The following TPH2 variants were observed in gnomAD, a reference collection of about 807,000 sequenced individuals.
The protein encoded by TPH2 is tryptophan 5-hydroxylase 2.
In TPH2, 27 loss-of-function variants were observed where a neutral mutation model predicts 59.1. That is an observed-to-expected ratio of 0.46 (90% CI 0.34 to 0.63). TPH2 has a LOEUF of 0.63. Ranked by LOEUF, TPH2 falls within the 30% of genes least tolerant of loss-of-function variation. The pLI, the probability that TPH2 is intolerant of heterozygous loss-of-function variation, is 0.01. For synonymous variants in TPH2, 220 were observed against 210.5 expected, an observed-to-expected ratio of 1.05 and a Z score of -0.39; for missense variants, 523 against 588.3, an observed-to-expected ratio of 0.89 and a Z score of 1.15.
chr12:71,943,059 G>T (rs145096178), intron 2 of TPH2, among the ~76,000 whole-genome samples: 101 of 152,222 alleles, frequency 6.6e-4, no homozygotes, highest in Non-Finnish European at 1.2e-3. Flanking sequence ...TCAACCAAAG[G>T]TCATTAAAAG....
At chr12:72,023,995 C>T (rs1023701501) in intron 9 of TPH2, among the ~76,000 whole-genome samples, 4 of 151,994 alleles carry the variant, frequency 2.6e-5, no homozygotes, top group African/African-American at 9.7e-5. Flanking sequence ...AGGAACTTGC[C>T]GAAGATCACA....
At chr12:71,944,260 T>C in intron 2 of TPH2, 34 bp from the exon 3 acceptor site, 2 of 1,612,538 alleles carry the variant, frequency 1.2e-6, no homozygotes, top group Non-Finnish European at 1.7e-6. Flanking sequence ...TTATTGTCCC[T>C]GAAGGTGATT....
intron 5 of TPH2, among the ~76,000 whole-genome samples, chr12:71,971,801 A>G (rs1309548713): frequency 6.6e-6 from 1 of 152,200 alleles, no homozygotes; most frequent in Non-Finnish European, 1.5e-5. Context: ...GTTATTGTGC[A>G]TGGTTGCTTT....
intron 8 of TPH2, among the ~76,000 whole-genome samples, chr12:72,004,306 C>G (rs1435568348): frequency 6.6e-6 from 1 of 150,478 alleles, no homozygotes; most frequent in African/African-American, 2.4e-5. Flanking sequence ...TATTCTTCTA[C>G]TGCCCAATGT....
chr12:71,951,743 C>T (rs545920535), intron 5 of TPH2, among the ~76,000 whole-genome samples: 3 of 151,772 alleles, frequency 2.0e-5, no homozygotes, highest in South Asian at 2.1e-4. Flanking sequence ...GACATGATTT[C>T]GGCCGGGTAC....
intron 7 of TPH2, 118 bp downstream of exon 7, chr12:71,979,205 G>A (rs1872203172): frequency 2.8e-6 from 4 of 1,411,376 alleles, no homozygotes; most frequent in African/African-American, 2.8e-5. Context: ...GCTAGTGAGA[G>A]TCACATCACT....
At chr12:71,971,490 C>T (rs1871972252) in intron 5 of TPH2, among the ~76,000 whole-genome samples, 1 of 152,172 alleles carries the variant, frequency 6.6e-6, no homozygotes, top group African/African-American at 2.4e-5. Flanking sequence ...CTTACAAAAG[C>T]ACATGTTTGT....
intron 9 of TPH2, among the ~76,000 whole-genome samples, chr12:72,026,753 C>G (rs1873579245): frequency 1.3e-5 from 2 of 152,152 alleles, no homozygotes; most frequent in South Asian, 4.1e-4. Context: ...GTTGTTCCCT[C>G]AACCCTGCAG....
intron 5 of TPH2, among the ~76,000 whole-genome samples, chr12:71,953,132 G>A (rs1871395829): frequency 6.6e-6 from 1 of 150,782 alleles, no homozygotes; most frequent in African/African-American, 2.4e-5. Flanking sequence ...ATAAAAAGCA[G>A]TCATATTCCT....
intron 9 of TPH2, among the ~76,000 whole-genome samples, chr12:72,026,370 C>T (rs1211347496): frequency 6.6e-6 from 1 of 152,010 alleles, no homozygotes; most frequent in African/African-American, 2.4e-5. Flanking sequence ...TATTGTGTTG[C>T]CTTGATATAG....
Position 72,031,732 on chromosome 12 carries a change from G to A in TPH2, c.*37G>A, listed in dbSNP as rs757212244. On this transcript the variant is annotated 3_prime_UTR_variant, in exon 11 of 11. Transcript: ENST00000333850. ...ATGTTGTTGCCAGCATGATCTTTTT[G>A]GGGCTTAGCAGCAGTTCAGTCAATG... The A allele has an allele frequency of 1.2e-6, 2 of 1,612,310 alleles. No homozygotes were observed. Among genetic ancestry groups the A allele is most frequent in the Non-Finnish European group, 1.7e-6 (2 of 1,178,670 alleles).
intron 9 of TPH2, among the ~76,000 whole-genome samples, chr12:72,026,436 AT>A (rs1419594148): frequency 6.6e-6 from 1 of 152,162 alleles, no homozygotes; most frequent in Non-Finnish European, 1.5e-5. Context: ...ATTACAAGCA[AT>A]TTGTATTTAT....
At chr12:71,982,666 G>A (rs1303825566) in intron 7 of TPH2, among the ~76,000 whole-genome samples, 1 of 152,110 alleles carries the variant, frequency 6.6e-6, no homozygotes, top group African/African-American at 2.4e-5. Flanking sequence ...ACCAACTAGA[G>A]GGCAGATTCT....
intron 8 of TPH2, among the ~76,000 whole-genome samples, chr12:72,001,960 A>G (rs918298724): frequency 6.6e-6 from 1 of 152,168 alleles, no homozygotes; most frequent in Non-Finnish European, 1.5e-5. Flanking sequence ...TTTTAGATAG[A>G]TAGAAGGAAT....
At chr12:72,013,942 C>A (rs1873168568) in intron 8 of TPH2, among the ~76,000 whole-genome samples, 1 of 151,966 alleles carries the variant, frequency 6.6e-6, no homozygotes, top group Admixed American at 6.6e-5. Flanking sequence ...TTCACCTTTC[C>A]AACAGCTTTG....
chr12:71,972,797 T>C, intron 6 of TPH2, 82 bp downstream of exon 6: 1 of 1,426,304 alleles, frequency 7.0e-7, no homozygotes, highest in Non-Finnish European at 9.7e-7. Context: ...AATGGCTCTT[T>C]TTCCAAAAAA....
intron 5 of TPH2, among the ~76,000 whole-genome samples, 164 bp downstream of exon 5, chr12:71,949,819 T>G (rs1296053434): frequency 1.3e-5 from 2 of 152,224 alleles, no homozygotes; most frequent in Non-Finnish European, 2.9e-5. Flanking sequence ...CACTGATGTT[T>G]GACATCTGGG....
intron 7 of TPH2, among the ~76,000 whole-genome samples, chr12:71,981,646 T>A (rs1872280535): frequency 6.6e-6 from 1 of 152,040 alleles, no homozygotes; most frequent in Non-Finnish European, 1.5e-5. Flanking sequence ...CTAAGGTTTT[T>A]GTTTGGGAAG....
At chr12:71,952,412 G>A (rs1240322095) in intron 5 of TPH2, among the ~76,000 whole-genome samples, 1 of 152,068 alleles carries the variant, frequency 6.6e-6, no homozygotes, top group Non-Finnish European at 1.5e-5. Flanking sequence ...GTAACTGAAT[G>A]TTCAGGAAGC....
Sources: gnomAD v4.1 joint callset for allele counts (sites outside exome capture counted in the v4.1 genomes callset) on GRCh38, gnomAD v4.1.1 for gene constraint, MANE v1.5 for transcripts, NCBI Gene and HGNC (gene_info 2026-07-23, HGNC 2026-07-21) for gene names.